The following RBPJL variants were observed in gnomAD, a reference collection of about 807,000 sequenced individuals.
The protein encoded by RBPJL is recombination signal binding protein for immunoglobulin kappa J region like.
A neutral mutation model predicts 57.6 loss-of-function variants in RBPJL; 50 were observed. That is an observed-to-expected ratio of 0.87 (90% confidence interval 0.69 to 1.10). The LOEUF is 1.10. RBPJL is among the 50% of genes least tolerant of loss of function. RBPJL has a pLI of 0.00. For synonymous variants in RBPJL, 303 were observed against 294.4 expected, an observed-to-expected ratio of 1.03 and a Z score of -0.30; for missense variants, 684 against 693.7, an observed-to-expected ratio of 0.99 and a Z score of 0.16.
At position 45,308,317 on chromosome 20, in the gene RBPJL, C is replaced by A. The variant is rs1426709950; in HGVS notation, c.131+66C>A. ...AGGCAGCTGGAGCACACAGAGGCAA[C>A]GGCCGCATTTAACCCAGGGCTGGCG... is the stretch of plus-strand genomic sequence containing the variant. On this transcript the variant is annotated intron_variant, in intron 2 of 11. Coordinates refer to ENST00000343694, the MANE Select transcript of RBPJL (RefSeq NM_014276.4). The A allele has an allele frequency of 3.5e-5, 38 of 1,099,600 alleles. No homozygotes were observed. In the South Asian group the frequency reaches 4.7e-4, roughly 14 times the overall value. The allele number at this position is 1,099,600 out of a possible 1,614,324, so 68.1% of individuals were successfully genotyped here. A position where few individuals can be genotyped will look rare whatever the true frequency, so the allele number is the denominator to read the frequency against.
rs201940059 is a variant in RBPJL at position 45,314,070 on chromosome 20, C to T, written c.793C>T (p.Arg265Ter). 9.9e-6 allele frequency: 16 copies of T among 1,614,220 alleles called. No individual in the cohort carries two copies. Among genetic ancestry groups the T allele is most frequent in the Non-Finnish European group, 1.3e-5 (15 of 1,180,008 alleles). Residue 265 changes from arginine to a stop codon, truncating the protein, a stop_gained, in exon 8 of 12, where the codon CGA becomes TGA. Transcript: ENST00000343694. LOFTEE classifies it high-confidence loss of function. ...GHSAQGDFPP[R>*]EGYVRYGSLV... is the part of the protein sequence containing the mutation. The stretch of plus-strand genomic sequence containing the variant: ...CTCTGCCCAAGGAGACTTCCCACCG[C>T]GAGAGGGCTACGTTCGCTATGGCTC...
chr20:45,316,940 A>G lies in RBPJL; in HGVS notation c.1535A>G (p.His512Arg). 5.0e-6 allele frequency: 8 copies of G among 1,612,070 alleles called. No homozygotes were observed. The highest frequency in any genetic ancestry group is 6.8e-6 in the Non-Finnish European group (8 of 1,178,816). ...CAGGAGTTCACGCGCACCAACTTCC[A>G]CCTCTTCATCCAGACTTAGGCGCGC... ...IHQEFTRTNF[H>R]LFIQT Residue 512 changes from histidine to arginine, a missense_variant, in exon 12 of 12, where the codon CAC becomes CGC. Physicochemically the swap from His to Arg is conservative, Grantham distance 29. Coordinates refer to ENST00000343694, the MANE Select transcript of RBPJL (RefSeq NM_014276.4).
chr20:45,313,974 GT>G, intron 7 of RBPJL, 60 bp from the exon 8 acceptor site: 1 of 1,241,420 alleles, frequency 8.1e-7, no homozygotes, highest in Non-Finnish European at 1.2e-6. Flanking sequence ...ACAAGGCAGG[GT>G]TTAAGGCAGA....
chr20:45,314,502 C>A lies in RBPJL; in HGVS notation c.957C>A (p.Gly319=), dbSNP rs556571911. 39 of 1,614,068 alleles carry A rather than the reference C, an allele frequency of 2.4e-5. No homozygotes were observed. Among genetic ancestry groups the A allele is most frequent in the Non-Finnish European group, 3.1e-5 (37 of 1,180,024 alleles). Residue 319 remains glycine, a synonymous_variant, in exon 9 of 12, where the codon GGC becomes GGA. Transcript: ENST00000343694. ...ACAAGTGTGCATTCCAGTTTCCAGG[C>A]AGTCCCCCAGGAGGGGGTGGCACCT... ...QLHKCAFQFP[G]SPPGGGGTYL... is the part of the protein sequence containing the mutation.
rs374125845 is a variant in RBPJL, at chr20:45,315,673, G to A, written c.1021-514G>A. Among the ~76,000 whole-genome samples the A allele has an allele frequency of 1.1e-4, 16 of 151,502 alleles. No individual in the cohort carries two copies. In the East Asian group the frequency reaches 2.5e-3, roughly 24 times the overall value. ...GGAGAATCATTTGAACCCGGGAGGCGGAGGTTGCAATGAGCCAAGATCAGG... is the reference window on the plus strand; with the variant it reads ...GGAGAATCATTTGAACCCGGGAGGCAGAGGTTGCAATGAGCCAAGATCAGG... On this transcript the variant is annotated intron_variant, in intron 9 of 11. Coordinates refer to ENST00000343694, the MANE Select transcript of RBPJL (RefSeq NM_014276.4).
rs2145677028 is a variant in RBPJL, at chr20:45,306,905, G to A, written c.-18G>A. ...CCAGAGGGCGGCGGGTGAGCGGCTGGGGCCCCGTGGAGCCACCATGGACCC... is the reference window on the plus strand; with the variant it reads ...CCAGAGGGCGGCGGGTGAGCGGCTGAGGCCCCGTGGAGCCACCATGGACCC... On this transcript the variant is annotated 5_prime_UTR_variant, in exon 1 of 12. Coordinates refer to ENST00000343694, the MANE Select transcript of RBPJL (RefSeq NM_014276.4). 1 of 1,256,194 alleles carries A rather than the reference G, an allele frequency of 8.0e-7. No individual in the cohort carries two copies. Among genetic ancestry groups the A allele is most frequent in the Non-Finnish European group, 1.0e-6 (1 of 992,892 alleles). 77.8% of individuals were successfully genotyped at this position (1,256,194 alleles called of 1,614,324 possible).
At chr20:45,314,621 C>T (rs551372626) in intron 9 of RBPJL, 56 bp downstream of exon 9, 251 of 1,541,714 alleles carry the variant, frequency 1.6e-4, no homozygotes, top group Admixed American at 8.3e-4. Context: ...ATGCAGAGAA[C>T]CACAGAATGT....
rs1202314064 is a variant in RBPJL at position 45,309,606 on chromosome 20, G to T, written c.171G>T (p.Val57=). Residue 57 remains valine (V), a synonymous_variant, in exon 3 of 12, where the codon GTG becomes GTT. Coordinates refer to ENST00000343694, the MANE Select transcript of RBPJL (RefSeq NM_014276.4). ...ACACCACCATTCTGAGGGGAGGCGT[G>T]CGCAGGTGCCTGCAGCAACAGTGTG... The part of the protein sequence containing the change: ...PEHTTILRGG[V]RRCLQQQCEQ... 20 of 1,613,380 alleles carry T rather than the reference G, an allele frequency of 1.2e-5. No homozygotes were observed. Among genetic ancestry groups the T allele is most frequent in the Non-Finnish European group, 1.7e-5 (20 of 1,179,650 alleles).
intron 3 of RBPJL, among the ~76,000 whole-genome samples, chr20:45,309,996 G>C (rs1216949454): frequency 6.6e-6 from 1 of 152,168 alleles, no homozygotes; most frequent in Non-Finnish European, 1.5e-5. Flanking sequence ...AGGCTCTGTG[G>C]GTACTGCTGG....
rs1987308551 is a variant in RBPJL at position 45,313,622 on chromosome 20, G to T, written c.757+17G>T. ...TCCACCTGGGTAATGACATCTGCAGGCCCTGGAGCTGGGCACTTCACATGC... is the reference window on the plus strand; with the variant it reads ...TCCACCTGGGTAATGACATCTGCAGTCCCTGGAGCTGGGCACTTCACATGC... On this transcript the variant is annotated intron_variant, in intron 7 of 11. Transcript: ENST00000343694. The T allele has an allele frequency of 1.3e-6, 2 of 1,589,046 alleles. No individual in the cohort carries two copies. The highest frequency in any genetic ancestry group is 4.5e-5 in the East Asian group (2 of 44,444).
chr20:45,309,927 T>C (rs1420959345), intron 3 of RBPJL, among the ~76,000 whole-genome samples: 2 of 152,226 alleles, frequency 1.3e-5, no homozygotes, highest in Admixed American at 6.5e-5. Flanking sequence ...CATTCTCCCA[T>C]TGATTCACTT....
chr20:45,311,260 C>T (rs896198802), intron 3 of RBPJL, among the ~76,000 whole-genome samples: 4 of 152,140 alleles, frequency 2.6e-5, no homozygotes, highest in African/African-American at 9.7e-5. Context: ...ACAGAACTTT[C>T]TGGAAATAGA....
Position 45,317,101 on chromosome 20 carries a change from T to C in RBPJL, c.*142T>C. On this transcript the variant is annotated 3_prime_UTR_variant, in exon 12 of 12. Transcript: ENST00000343694. Reference sequence around the variant, plus strand: ...GAAGGCTCACCCTAGAAACCGGGCCTGGTGGGTCTTACCCGGCTCACTCCC... The same window carrying C: ...GAAGGCTCACCCTAGAAACCGGGCCCGGTGGGTCTTACCCGGCTCACTCCC... 1 of 1,009,068 alleles carries C rather than the reference T, an allele frequency of 9.9e-7. No homozygotes were observed. The highest frequency in any genetic ancestry group is 1.4e-6 in the Non-Finnish European group (1 of 696,458). The allele number at this position is 1,009,068 out of a possible 1,614,324, so 62.5% of individuals were successfully genotyped here. A position where few individuals can be genotyped will look rare whatever the true frequency, so the allele number is the denominator to read the frequency against.
chr20:45,308,805 G>C (rs1318212687), intron 2 of RBPJL, among the ~76,000 whole-genome samples: 1 of 151,176 alleles, frequency 6.6e-6, no homozygotes, highest in East Asian at 2.0e-4. Context: ...CCCTGCAATT[G>C]CTCGGGCCTA....
Position 45,314,956 on chromosome 20 carries a change from G to A in RBPJL, c.1020+391G>A, listed in dbSNP as rs544361651. 1.2e-4 allele frequency among the ~76,000 whole-genome samples: 18 copies of A among 152,184 alleles called. 1 individual carries two copies. The highest frequency in any genetic ancestry group is 4.1e-4 in the African/African-American group (17 of 41,508). ...AAATTAGCTGGGCATGGCAGTGGGC[G>A]CCTGTAATCTCAGCTACTCAGGAGG... On this transcript the variant is annotated intron_variant, in intron 9 of 11. Transcript: ENST00000343694.
rs1987307994 is a variant in RBPJL, at chr20:45,313,610, T to C, written c.757+5T>C. The C allele has an allele frequency of 6.2e-7, 1 of 1,603,882 alleles. No individual in the cohort carries two copies. Among genetic ancestry groups the C allele is most frequent in the Non-Finnish European group, 8.5e-7 (1 of 1,174,476 alleles). On this transcript the variant is annotated splice_donor_5th_base_variant and intron_variant, in intron 7 of 11. Coordinates refer to ENST00000343694, the MANE Select transcript of RBPJL (RefSeq NM_014276.4). ...CTGCCTTCACGCTCCACCTGGGTAA[T>C]GACATCTGCAGGCCCTGGAGCTGGG...
rs192824071 is a variant in RBPJL at position 45,312,841 on chromosome 20, A to G, written c.619+446A>G. ...CTTGTCTGTACCAAAAAAAAAAAAA[A>G]AAAAAGAAAAAGAAAAATTAGCCTG... On this transcript the variant is annotated intron_variant, in intron 6 of 11. Coordinates refer to ENST00000343694, the MANE Select transcript of RBPJL (RefSeq NM_014276.4). Among the ~76,000 whole-genome samples the G allele has an allele frequency of 6.2e-3, 931 of 150,742 alleles. 6 individuals carry two copies. The highest frequency in any genetic ancestry group is 0.019 in the African/African-American group (774 of 40,636).
chr20:45,308,107 C>G, intron 1 of RBPJL, 36 bp from the exon 2 acceptor site: 3 of 1,485,048 alleles, frequency 2.0e-6, no homozygotes, highest in East Asian at 2.3e-5. Flanking sequence ...CTAAAATACA[C>G]TCGCCTGACC....
chr20:45,315,401 T>TA lies in RBPJL; in HGVS notation c.1021-773dup, dbSNP rs35967905. On this transcript the variant is annotated intron_variant, in intron 9 of 11. Transcript: ENST00000343694. ...ATTAGAGCATAGAATTGCACAATGTTAAAAAAAAAAAAATTCTGGAATCCC... is the reference window on the plus strand; with the variant it reads ...ATTAGAGCATAGAATTGCACAATGTTAAAAAAAAAAAAAATTCTGGAATCCC... Among the ~76,000 whole-genome samples, 571 of 146,724 alleles carry TA rather than the reference T, an allele frequency of 3.9e-3. 5 individuals carry two copies. Among genetic ancestry groups the TA allele is most frequent in the Middle Eastern group, 0.025 (7 of 282 alleles).
Sources: allele counts gnomAD v4.1 joint callset (sites outside exome capture counted in the v4.1 genomes callset), GRCh38; gene constraint gnomAD v4.1.1; transcripts MANE v1.5; gene names NCBI Gene and HGNC (gene_info 2026-07-23, HGNC 2026-07-21).